FIG4: variants seen among roughly 807,000 people sequenced by gnomAD.
FIG4 encodes the protein polyphosphoinositide phosphatase.
A neutral mutation model predicts 118.6 loss-of-function variants in FIG4; 112 were observed. That is an observed-to-expected ratio of 0.94 (90% CI 0.81 to 1.11). The LOEUF (loss-of-function observed/expected upper bound fraction) is 1.11, where lower values mean the gene tolerates loss of function less well. FIG4 is among the 50% of genes least tolerant of loss of function. The pLI is 0.00. For synonymous variants in FIG4, 369 were observed against 381.2 expected, an observed-to-expected ratio of 0.97 and a Z score of 0.37; for missense variants, 969 against 1,111.7, an observed-to-expected ratio of 0.87 and a Z score of 1.83.
chr6:109,743,177 C>T lies in FIG4; in HGVS notation c.944C>T (p.Ala315Val), dbSNP rs1422398256. ...GATGCTTCTGTGATGTCTTTCACTGCAGGAAGTTATTCTTCATATGTACAA... is the reference window on the plus strand; with the variant it reads ...GATGCTTCTGTGATGTCTTTCACTGTAGGAAGTTATTCTTCATATGTACAA... ...LCDASVMSFT[A>V]GSYSSYVQVR... is the part of the protein sequence containing the mutation. Residue 315 changes from alanine (A) to valine (V), a missense_variant, in exon 9 of 23, where the codon GCA becomes GTA. By Grantham distance (64) the Ala-to-Val change is moderately conservative. Around this residue, in one of 3 missense-constraint regions of FIG4, gnomAD observed 393 missense variants for 409.4 expected, o/e 0.96. Transcript: ENST00000230124. 1.9e-6 allele frequency: 3 copies of T among 1,612,646 alleles called. No homozygotes were observed. Among genetic ancestry groups the T allele is most frequent in the Admixed American group, 1.7e-5 (1 of 59,914 alleles).
chr6:109,824,306 C>T (rs1373574457), intron 22 of FIG4, among the ~76,000 whole-genome samples: 4 of 152,180 alleles, frequency 2.6e-5, no homozygotes, highest in Admixed American at 6.5e-5. Flanking sequence ...CGCAGAATTC[C>T]GAATTGTCAG....
intron 4 of FIG4, among the ~76,000 whole-genome samples, chr6:109,731,215 A>G (rs1175589260): frequency 6.6e-6 from 1 of 152,230 alleles, no homozygotes; most frequent in African/African-American, 2.4e-5. Context: ...AATGAGTTGT[A>G]TACTATGAGT....
chr6:109,727,671 A>T (rs965564967), intron 4 of FIG4, among the ~76,000 whole-genome samples: 1 of 152,192 alleles, frequency 6.6e-6, no homozygotes, highest in Non-Finnish European at 1.5e-5. Flanking sequence ...AAAAAACAGC[A>T]GACATTCTTA....
At position 109,792,754 on chromosome 6, in the gene FIG4, T is replaced by C. The variant is rs1204518989; in HGVS notation, c.2459+90T>C. ...ACTATACCTTTTTTTTTTTTTTTTT[T>C]TGGAGACAAGAGTCTTGCTCTGTTG... On this transcript the variant is annotated intron_variant, in intron 21 of 22. Coordinates refer to ENST00000230124, the MANE Select transcript of FIG4 (RefSeq NM_014845.6). The C allele has an allele frequency of 1.2e-5, 8 of 682,462 alleles. No individual in the cohort carries two copies. In the East Asian group the frequency reaches 1.2e-4, roughly 10 times the overall value. The allele number at this position is 682,462 out of a possible 1,614,324, so 42.3% of individuals were successfully genotyped here.
At chr6:109,815,496 C>CGGGGGGGGGGGGGGGGG in intron 22 of FIG4, among the ~76,000 whole-genome samples, 1 of 106,522 alleles carries the variant, frequency 9.4e-6, no homozygotes, top group Admixed American at 9.3e-5. Flanking sequence ...CTCCAGGCTG[C>CGGGGGGGGGGGGGGGGG]CCCCCCCACC....
Position 109,791,499 on chromosome 6 carries a change from A to G in FIG4, c.2304A>G (p.Glu768=). 6.2e-7 allele frequency: 1 copy of G among 1,614,122 alleles called. No homozygotes were observed. The highest frequency in any genetic ancestry group is 1.6e-4 in the Middle Eastern group (1 of 6,062). The change falls in exon 20 of 23, where the codon GAA becomes GAG. Residue 768 remains glutamate (E), a synonymous_variant. Coordinates refer to ENST00000230124, the MANE Select transcript of FIG4 (RefSeq NM_014845.6). ...SEDDSGTDRE[E]EGSVSQRSTP... ...ATGACTCTGGGACTGATCGGGAAGAAGAGGGCTCTGTGTCTCAGCGCTCCA... is the reference window on the plus strand; with the variant it reads ...ATGACTCTGGGACTGATCGGGAAGAGGAGGGCTCTGTGTCTCAGCGCTCCA...
intron 14 of FIG4, among the ~76,000 whole-genome samples, chr6:109,765,566 T>A (rs1239579293): frequency 6.6e-6 from 1 of 152,162 alleles, no homozygotes; most frequent in East Asian, 1.9e-4. Flanking sequence ...TTTCTTCTGT[T>A]GTTGTTGTTG....
At chr6:109,713,614 C>T (rs1229789187) in intron 1 of FIG4, among the ~76,000 whole-genome samples, 1 of 152,154 alleles carries the variant, frequency 6.6e-6, no homozygotes, top group Non-Finnish European at 1.5e-5. Flanking sequence ...GCAGCAGTGG[C>T]AGGACAGGGT....
intron 18 of FIG4, 35 bp from the exon 19 acceptor site, chr6:109,789,559 A>G (rs1370660323): frequency 3.5e-6 from 5 of 1,416,274 alleles, no homozygotes; most frequent in Admixed American, 1.7e-5. Flanking sequence ...GATGGACAGT[A>G]ATTCATATGT....
chr6:109,694,844 G>T (rs978782525), intron 1 of FIG4, among the ~76,000 whole-genome samples: 2 of 152,116 alleles, frequency 1.3e-5, no homozygotes, highest in Non-Finnish European at 2.9e-5. Flanking sequence ...ATTACTCAAG[G>T]TCACTAATTA....
intron 5 of FIG4, 51 bp downstream of exon 5, chr6:109,732,738 A>G (rs1378168778): frequency 9.0e-7 from 1 of 1,105,622 alleles, no homozygotes; most frequent in African/African-American, 1.5e-5. Flanking sequence ...CTTTTATATT[A>G]TTTTCCAGCG....
At chr6:109,716,019 T>C (rs1290832111) in intron 2 of FIG4, among the ~76,000 whole-genome samples, 5 of 152,196 alleles carry the variant, frequency 3.3e-5, no homozygotes, top group Admixed American at 2.6e-4. Flanking sequence ...AACAATATAA[T>C]GTAATGGTTC....
chr6:109,813,358 A>G (rs1337531779), intron 22 of FIG4, among the ~76,000 whole-genome samples: 1 of 152,166 alleles, frequency 6.6e-6, no homozygotes, highest in African/African-American at 2.4e-5. Flanking sequence ...GTACACTGCA[A>G]CTTTCTAATC....
intron 3 of FIG4, among the ~76,000 whole-genome samples, chr6:109,726,557 T>G (rs976591990): frequency 9.2e-5 from 14 of 152,154 alleles, no homozygotes. Context: ...TTGTTCTTTT[T>G]GCTTAGGATT....
chr6:109,713,120 G>C (rs528431045), intron 1 of FIG4, among the ~76,000 whole-genome samples: 132 of 152,324 alleles, frequency 8.7e-4, no homozygotes, highest in Non-Finnish European at 1.3e-3. Flanking sequence ...GGGTGCCAAC[G>C]TGTAGTGACT....
intron 10 of FIG4, among the ~76,000 whole-genome samples, chr6:109,757,336 C>T (rs962631596): frequency 2.0e-5 from 3 of 152,174 alleles, no homozygotes; most frequent in East Asian, 1.9e-4. Context: ...AAACGTAATC[C>T]ATCACATAAC....
At chr6:109,788,297 CAT>C (rs914042970) in intron 18 of FIG4, among the ~76,000 whole-genome samples, 6 of 152,208 alleles carry the variant, frequency 3.9e-5, no homozygotes, top group Non-Finnish European at 8.8e-5. Flanking sequence ...ATCTAACACA[CAT>C]GTTTTCTCTG....
chr6:109,692,618 A>G lies in FIG4; in HGVS notation c.66+1117A>G, dbSNP rs972924197. Reference sequence around the variant, plus strand: ...AGTTCTCTAATGAGACCCATAAAGAAGTATCATTTGTCATTGAAATGAAAC... The same window carrying G: ...AGTTCTCTAATGAGACCCATAAAGAGGTATCATTTGTCATTGAAATGAAAC... On this transcript the variant is annotated intron_variant, in intron 1 of 22. Coordinates refer to ENST00000230124, the MANE Select transcript of FIG4 (RefSeq NM_014845.6). Among the ~76,000 whole-genome samples, 57 of 152,234 alleles carry G rather than the reference A, an allele frequency of 3.7e-4. 1 individual carries two copies. Among genetic ancestry groups the G allele is most frequent in the African/African-American group, 1.3e-3 (55 of 41,456 alleles).
At chr6:109,786,770 G>C (rs556244911) in intron 18 of FIG4, among the ~76,000 whole-genome samples, 1 of 152,138 alleles carries the variant, frequency 6.6e-6, no homozygotes, top group African/African-American at 2.4e-5. Flanking sequence ...AGTGGGAAAA[G>C]CATCATCTTT....
Sources: allele counts gnomAD v4.1 joint callset (sites outside exome capture counted in the v4.1 genomes callset), GRCh38; gene constraint gnomAD v4.1.1; regional missense constraint gnomAD v4.1.1; transcripts MANE v1.5; gene names NCBI Gene and HGNC (gene_info 2026-07-23, HGNC 2026-07-21).